The following PCDHGA10 variants were observed in gnomAD, a reference collection of about 807,000 sequenced individuals.
The protein encoded by PCDHGA10 is protocadherin gamma subfamily A, 10.
PCDHGA10 carries 42 observed loss-of-function variants against 59.5 expected under a neutral mutation model. The ratio of observed to expected loss-of-function variants is 0.71; its 90% CI spans 0.55 to 0.91. The LOEUF (loss-of-function observed/expected upper bound fraction) is 0.91. Ranked by LOEUF, PCDHGA10 falls within the 40% of genes least tolerant of loss-of-function variation. PCDHGA10 has a pLI of 0.00. For synonymous variants in PCDHGA10, 511 were observed against 517.2 expected, an observed-to-expected ratio of 0.99 and a Z score of 0.16; for missense variants, 1,111 against 1,198.2, an observed-to-expected ratio of 0.93 and a Z score of 1.07.
intron 1 of PCDHGA10, among the ~76,000 whole-genome samples, chr5:141,492,148 G>C (rs2099737507): frequency 6.6e-6 from 1 of 152,202 alleles, no homozygotes; most frequent in Admixed American, 6.5e-5. Flanking sequence ...TGACTTCACT[G>C]TTACCCTCCC....
In PCDHGA10 at chr5:141,431,450, A is replaced by G; in HGVS notation, c.2436+15839A>G. 2 of 1,613,740 alleles carry G rather than the reference A, an allele frequency of 1.2e-6. No individual in the cohort carries two copies. Among genetic ancestry groups the G allele is most frequent in the South Asian group, 1.1e-5 (1 of 91,082 alleles). Reference sequence around the variant, plus strand: ...CACAGGCACCGCGCGCATCCGCGTGATGGTTCTGGATGCGAACGACAACGC... The same window carrying G: ...CACAGGCACCGCGCGCATCCGCGTGGTGGTTCTGGATGCGAACGACAACGC... On this transcript the variant is annotated intron_variant, in intron 1 of 3. Coordinates refer to ENST00000398610, the MANE Select transcript of PCDHGA10 (RefSeq NM_018913.3). The surrounding 1 kb of genome is among the most constrained non-coding windows in gnomAD (Gnocchi z 4.8).
Position 141,490,318 on chromosome 5 carries a change from C to T in PCDHGA10, c.2437-4489C>T. ...ATTGGCCTCTTTGGCCAACCCTGTCCTAGAGAGCACACCAGTGGGCACAGT... is the reference window on the plus strand; with the variant it reads ...ATTGGCCTCTTTGGCCAACCCTGTCTTAGAGAGCACACCAGTGGGCACAGT... On this transcript the variant is annotated intron_variant, in intron 1 of 3. Transcript: ENST00000398610. The surrounding 1 kb of genome is among the most constrained non-coding windows in gnomAD (Gnocchi z 5.4). 1 of 1,614,220 alleles carries T rather than the reference C, an allele frequency of 6.2e-7. No homozygotes were observed.
In PCDHGA10 at chr5:141,489,906, C is replaced by T. The variant is rs550717535; in HGVS notation, c.2437-4901C>T. On this transcript the variant is annotated intron_variant, in intron 1 of 3. Transcript: ENST00000398610. The surrounding 1 kb of genome is among the most constrained non-coding windows in gnomAD (Gnocchi z 4.5). ...CTGTGGATGGGGGGACCCCAGCCCG[C>T]TCAGGGACCACCCTTATCTCTGTCA... 4.5e-5 allele frequency: 72 copies of T among 1,614,234 alleles called. No individual in the cohort carries two copies. In the African/African-American group the frequency reaches 5.6e-4, roughly 13 times the overall value.
In PCDHGA10 at chr5:141,491,771, G is replaced by C. The variant is rs760915700; in HGVS notation, c.2437-3036G>C. ...GGAGAAGCCGCCCGTCCTCATAAGG[G>C]ATTGAACTTGCATCCACTCCTCTCC... On this transcript the variant is annotated intron_variant, in intron 1 of 3. Coordinates refer to ENST00000398610, the MANE Select transcript of PCDHGA10 (RefSeq NM_018913.3). The surrounding 1 kb of genome is among the most constrained non-coding windows in gnomAD (Gnocchi z 6.9). 6.4e-7 allele frequency: 1 copy of C among 1,558,290 alleles called. No individual in the cohort carries two copies. Among genetic ancestry groups the C allele is most frequent in the Non-Finnish European group, 8.7e-7 (1 of 1,153,586 alleles).
chr5:141,453,333 A>T (rs181261279), intron 1 of PCDHGA10, among the ~76,000 whole-genome samples: 3 of 151,914 alleles, frequency 2.0e-5, no homozygotes, highest in Admixed American at 1.3e-4. Context: ...GGGTCTCACT[A>T]TGTTTCCCCA....
intron 1 of PCDHGA10, chr5:141,427,093 G>A (rs1446677593): frequency 2.2e-6 from 1 of 458,122 alleles, no homozygotes. Flanking sequence ...CAGGATGAGG[G>A]TGTCAATGCG....
At chr5:141,482,943 G>T (rs2099574928) in intron 1 of PCDHGA10, among the ~76,000 whole-genome samples, 1 of 152,086 alleles carries the variant, frequency 6.6e-6, no homozygotes, top group Non-Finnish European at 1.5e-5. Context: ...TGTGGTTGTG[G>T]GTGCCTGTAA....
intron 1 of PCDHGA10, among the ~76,000 whole-genome samples, chr5:141,492,164 C>G (rs1180358388): frequency 6.6e-6 from 1 of 152,230 alleles, no homozygotes; most frequent in Non-Finnish European, 1.5e-5. Context: ...CTCCCTATCC[C>G]CGCATCACCC....
intron 1 of PCDHGA10, 96 bp from the exon 2 acceptor site, chr5:141,494,711 A>T (rs757105958): frequency 6.3e-7 from 1 of 1,599,616 alleles, no homozygotes; most frequent in Non-Finnish European, 8.5e-7. Context: ...CTCTGTGCCC[A>T]CTCCCCTCCT....
In PCDHGA10 at chr5:141,415,426, C is replaced by T; in HGVS notation, c.2251C>T (p.Arg751Trp). 1 of 1,614,194 alleles carries T rather than the reference C, an allele frequency of 6.2e-7. No homozygotes were observed. The highest frequency in any genetic ancestry group is 8.5e-7 in the Non-Finnish European group (1 of 1,180,034). The stretch of plus-strand genomic sequence containing the variant: ...GCACTTTGTGGGCGTGGACGGGGTT[C>T]GGGCTTTCCTGCAGACCTATTCCCA... ...GSHFVGVDGV[R>W]AFLQTYSHEV... is the part of the protein sequence containing the mutation. Residue 751 changes from arginine (R) to tryptophan (W), a missense_variant, in exon 1 of 4, where the codon CGG becomes TGG. Physicochemically the swap from Arg to Trp is moderately radical, Grantham distance 101. Transcript: ENST00000398610.
intron 1 of PCDHGA10, 129 bp downstream of exon 1, chr5:141,415,740 G>GTTTTTTTTTTTTTTTTTTTTTTTTT: frequency 1.8e-5 from 11 of 617,990 alleles, no homozygotes; most frequent in Non-Finnish European, 2.4e-5. Context: ...GTTTATTAAG[G>GTTTTTTTTTTTTTTTTTTTTTTTTT]TTTTTTTTTT....
Position 141,486,567 on chromosome 5 carries a change from C to T in PCDHGA10, c.2437-8240C>T, listed in dbSNP as rs1562113360. On this transcript the variant is annotated intron_variant, in intron 1 of 3. Transcript: ENST00000398610. The surrounding 1 kb of genome is among the most constrained non-coding windows in gnomAD (Gnocchi z 5.0). ...CAGAGGTCACATGAGGTGTTTGTTCCTGAGAACAATCGCCCAGGGGACCTG... is the reference window on the plus strand; with the variant it reads ...CAGAGGTCACATGAGGTGTTTGTTCTTGAGAACAATCGCCCAGGGGACCTG... The T allele has an allele frequency of 6.2e-7, 1 of 1,613,918 alleles. No homozygotes were observed. The highest frequency in any genetic ancestry group is 8.5e-7 in the Non-Finnish European group (1 of 1,179,986).
chr5:141,430,790 A>G, intron 1 of PCDHGA10: 1 of 1,516,892 alleles, frequency 6.6e-7, no homozygotes, highest in South Asian at 1.3e-5. Context: ...CCGGGACTAC[A>G]AAGGGCTTGT....
intron 1 of PCDHGA10, among the ~76,000 whole-genome samples, chr5:141,483,124 G>A (rs1468216170): frequency 6.6e-6 from 1 of 152,154 alleles, no homozygotes; most frequent in East Asian, 1.9e-4. Flanking sequence ...GTCTTTGTAG[G>A]AGATGAGGTG....
Position 141,485,098 on chromosome 5 carries a change from A to G in PCDHGA10, c.2437-9709A>G, listed in dbSNP as rs2099606903. ...CGGGGAAAGGGAGATAGGTGTCTCCAGCTGCTGTGGCTGTTTGGGGCGGGT... is the reference window on the plus strand; with the variant it reads ...CGGGGAAAGGGAGATAGGTGTCTCCGGCTGCTGTGGCTGTTTGGGGCGGGT... On this transcript the variant is annotated intron_variant, in intron 1 of 3. Transcript: ENST00000398610. This position sits in a 1 kb window ranked among gnomAD's most constrained non-coding sequence, Gnocchi z 5.7. 8.8e-7 allele frequency: 1 copy of G among 1,134,792 alleles called. No individual in the cohort carries two copies. Among genetic ancestry groups the G allele is most frequent in the South Asian group, 1.4e-5 (1 of 71,796 alleles). The allele number at this position is 1,134,792 out of a possible 1,614,324, so 70.3% of individuals were successfully genotyped here. A position where few individuals can be genotyped will look rare whatever the true frequency, so the allele number is the denominator to read the frequency against.
chr5:141,428,050 T>C (rs1222417053), intron 1 of PCDHGA10: 1 of 1,608,844 alleles, frequency 6.2e-7, no homozygotes, highest in Non-Finnish European at 8.5e-7. Flanking sequence ...GTGACCAAGG[T>C]GGTGGCGGTG....
chr5:141,427,046 C>G (rs916723344), intron 1 of PCDHGA10: 2 of 457,362 alleles, frequency 4.4e-6, no homozygotes, highest in Admixed American at 4.7e-5. Context: ...AGAATGTGCC[C>G]CCAGGCACCT....
rs763840734 is a variant in PCDHGA10, at chr5:141,428,113, T to C, written c.2436+12502T>C. The stretch of plus-strand genomic sequence containing the variant: ...CTGTCCTACCACGTGCTGCAGGCCA[T>C]CGAGCCCGGGCTTTTCAGCCTGGGG... On this transcript the variant is annotated intron_variant, in intron 1 of 3. Transcript: ENST00000398610. 1.0e-5 allele frequency: 16 copies of C among 1,607,374 alleles called. No homozygotes were observed. In the African/African-American group the frequency reaches 1.9e-4, roughly 19 times the overall value.
chr5:141,419,203 C>T (rs201698529), intron 1 of PCDHGA10: 140 of 1,613,988 alleles, frequency 8.7e-5, no homozygotes, highest in Non-Finnish European at 1.2e-4. Flanking sequence ...TCAATGACAA[C>T]GCGCCGGTTT....
Sources: allele counts gnomAD v4.1 joint callset (sites outside exome capture counted in the v4.1 genomes callset), GRCh38; gene constraint gnomAD v4.1.1; non-coding constraint Gnocchi (gnomAD v3.1); transcripts MANE v1.5; gene names NCBI Gene and HGNC (gene_info 2026-07-23, HGNC 2026-07-21).